Variants in CHCHD3 observed in about 807,000 individuals in gnomAD.
The protein encoded by CHCHD3 is coiled-coil-helix-coiled-coil-helix domain containing 3.
Under a neutral mutation model 38.2 loss-of-function variants are expected in CHCHD3, and 20 were observed. That is an observed-to-expected ratio of 0.52 (90% CI 0.37 to 0.76). The LOEUF is 0.76. Among genes scored for constraint, CHCHD3 ranks in the 30% least tolerant of loss-of-function variants. CHCHD3 has a pLI of 0.00. For missense variants in CHCHD3, 245 were observed against 279.2 expected, an observed-to-expected ratio of 0.88 and a Z score of 0.87; for synonymous variants, 82 against 100.0, an observed-to-expected ratio of 0.82 and a Z score of 1.07.
chr7:132,967,079 T>G (rs1811483559), intron 4 of CHCHD3, among the ~76,000 whole-genome samples: 1 of 152,160 alleles, frequency 6.6e-6, no homozygotes, highest in Non-Finnish European at 1.5e-5. Flanking sequence ...AGTGATAGGA[T>G]GTCAATAAGT....
At chr7:133,029,234 G>A (rs1271117969) in intron 2 of CHCHD3, among the ~76,000 whole-genome samples, 1 of 152,176 alleles carries the variant, frequency 6.6e-6, no homozygotes, top group Non-Finnish European at 1.5e-5. Context: ...ATCATGTAAT[G>A]ATTACCACAA....
chr7:132,866,431 T>C (rs1015149813), intron 5 of CHCHD3, among the ~76,000 whole-genome samples: 71 of 152,328 alleles, frequency 4.7e-4, no homozygotes, highest in African/African-American at 1.6e-3. Flanking sequence ...AGCATTGCAG[T>C]GCTAGCAAAC....
rs1282434631 is a variant in CHCHD3 at position 133,071,641 on chromosome 7, GACTTGC to G, written c.82-1418_82-1413del. On this transcript the variant is annotated intron_variant, in intron 1 of 7. Coordinates refer to ENST00000262570, the MANE Select transcript of CHCHD3 (RefSeq NM_017812.4). Reference sequence around the variant, plus strand: ...GCTATTAAGCATATGTCCACACAAAGACTTGCACAGGAATGTTCATAGCAGCATTAT... The same window carrying G: ...GCTATTAAGCATATGTCCACACAAAGACAGGAATGTTCATAGCAGCATTAT... Among the ~76,000 whole-genome samples the G allele has an allele frequency of 2.6e-5, 4 of 152,282 alleles. No homozygotes were observed. The South Asian group carries it at 6.2e-4, about 24-fold the overall frequency.
At chr7:133,080,142 A>G (rs1815128302) in intron 1 of CHCHD3, among the ~76,000 whole-genome samples, 1 of 152,230 alleles carries the variant, frequency 6.6e-6, no homozygotes, top group Non-Finnish European at 1.5e-5. Context: ...TCTGAAGAAA[A>G]GCATAGAGGT....
chr7:133,058,785 C>T (rs1191159148), intron 2 of CHCHD3, among the ~76,000 whole-genome samples: 1 of 152,206 alleles, frequency 6.6e-6, no homozygotes, highest in Non-Finnish European at 1.5e-5. Context: ...TACGCATTCC[C>T]TGTGACTGTA....
rs10240372 is a variant in CHCHD3, at chr7:132,820,095, T to C, written c.524+18304A>G. Reference sequence around the variant, plus strand: ...TCGCTTTTAATCATTTGGATCAGATTGATGGATGAGCATCTTGTGGTTGCA... The same window carrying C: ...TCGCTTTTAATCATTTGGATCAGATCGATGGATGAGCATCTTGTGGTTGCA... On this transcript the variant is annotated intron_variant, in intron 6 of 7. Coordinates refer to ENST00000262570, the MANE Select transcript of CHCHD3 (RefSeq NM_017812.4). 2.6e-3 allele frequency among the ~76,000 whole-genome samples: 390 copies of C among 152,338 alleles called. 3 individuals carry two copies. Among genetic ancestry groups the C allele is most frequent in the African/African-American group, 8.8e-3 (367 of 41,578 alleles).
chr7:132,885,510 GA>G (rs1439204233), intron 5 of CHCHD3, 151 bp downstream of exon 5: 4 of 588,128 alleles, frequency 6.8e-6, no homozygotes, highest in Middle Eastern at 4.5e-4. Flanking sequence ...CATTGTTACA[GA>G]GGACGAACTA....
chr7:132,787,998 T>C (rs527488748), intron 7 of CHCHD3, among the ~76,000 whole-genome samples: 11 of 152,278 alleles, frequency 7.2e-5, no homozygotes, highest in African/African-American at 1.4e-4. Context: ...ACCAGCCCCA[T>C]GTTCGCTGGG....
At chr7:132,829,610 T>C (rs10256381) in intron 6 of CHCHD3, among the ~76,000 whole-genome samples, 103,983 of 152,064 alleles carry the variant, frequency 0.68, 36,379 homozygotes, top group African/African-American at 0.81. Context: ...GCAACACCAA[T>C]AAACCCCAAC....
At chr7:133,026,400 T>C (rs1000415727) in intron 2 of CHCHD3, among the ~76,000 whole-genome samples, 5 of 152,118 alleles carry the variant, frequency 3.3e-5, no homozygotes, top group Non-Finnish European at 5.9e-5. Flanking sequence ...TGTAAAGAAA[T>C]TGGAACCCTC....
At chr7:132,922,994 T>C (rs1379473642) in intron 4 of CHCHD3, among the ~76,000 whole-genome samples, 1 of 152,142 alleles carries the variant, frequency 6.6e-6, no homozygotes, top group Non-Finnish European at 1.5e-5. Flanking sequence ...TTCCCCAACA[T>C]GCAGGATCTG....
At chr7:132,927,091 T>C (rs1810396439) in intron 4 of CHCHD3, among the ~76,000 whole-genome samples, 1 of 152,170 alleles carries the variant, frequency 6.6e-6, no homozygotes, top group Non-Finnish European at 1.5e-5. Flanking sequence ...TTCATAAAGA[T>C]TACATATAAA....
chr7:132,999,252 T>C (rs563005856), intron 3 of CHCHD3, among the ~76,000 whole-genome samples: 2 of 152,248 alleles, frequency 1.3e-5, no homozygotes, highest in Admixed American at 6.5e-5. Flanking sequence ...GACTCTATTT[T>C]GCCACATACT....
intron 3 of CHCHD3, among the ~76,000 whole-genome samples, chr7:132,992,870 T>C (rs914545738): frequency 1.3e-5 from 2 of 152,212 alleles, no homozygotes; most frequent in East Asian, 1.9e-4. Flanking sequence ...AACTGGTGTG[T>C]TTGATCTCCT....
chr7:132,892,939 C>A (rs542292419), intron 4 of CHCHD3, among the ~76,000 whole-genome samples: 28 of 152,216 alleles, frequency 1.8e-4, no homozygotes, highest in Non-Finnish European at 3.5e-4. Flanking sequence ...GGGGCAAAGC[C>A]CTCATGAAGA....
chr7:132,798,012 T>G (rs1806665859), intron 6 of CHCHD3, among the ~76,000 whole-genome samples: 1 of 152,210 alleles, frequency 6.6e-6, no homozygotes, highest in Non-Finnish European at 1.5e-5. Context: ...CACATTATTT[T>G]AAATTTAATG....
intron 3 of CHCHD3, among the ~76,000 whole-genome samples, chr7:133,010,553 TGACA>T (rs1812838271): frequency 6.6e-6 from 1 of 152,164 alleles, no homozygotes; most frequent in African/African-American, 2.4e-5. Flanking sequence ...ACCTACTATA[TGACA>T]GACAATGAAT....
At chr7:132,809,095 G>A (rs537522891) in intron 6 of CHCHD3, among the ~76,000 whole-genome samples, 3 of 151,306 alleles carry the variant, frequency 2.0e-5, no homozygotes, top group Admixed American at 6.6e-5. Flanking sequence ...GACTACAGGC[G>A]TGTACCACCA....
At chr7:133,022,459 A>G (rs879773202) in intron 3 of CHCHD3, 22 of 456,628 alleles carry the variant, frequency 4.8e-5, no homozygotes, top group Non-Finnish European at 8.4e-5. Context: ...AAGACTGCAC[A>G]CAAAACTTTC....
Sources: allele counts gnomAD v4.1 joint callset (sites outside exome capture counted in the v4.1 genomes callset), GRCh38; gene constraint gnomAD v4.1.1; transcripts MANE v1.5; gene names NCBI Gene and HGNC (gene_info 2026-07-23, HGNC 2026-07-21).